PXDNL: variants seen among roughly 807,000 people sequenced by gnomAD.
PXDNL encodes the protein peroxidasin like, also known as probable oxidoreductase PXDNL.
Under a neutral mutation model 150.8 loss-of-function variants are expected in PXDNL, and 145 were observed. That is an observed-to-expected ratio of 0.96 (90% CI 0.84 to 1.10). PXDNL has a LOEUF of 1.10. PXDNL is among the 50% of genes least tolerant of loss of function. PXDNL has a pLI of 0.00. For missense variants in PXDNL, 2,087 were observed against 1,873.9 expected (o/e 1.11, Z -2.10); for synonymous variants, 757 against 725.7 (o/e 1.04, Z -0.69).
intron 4 of PXDNL, among the ~76,000 whole-genome samples, chr8:51,517,453 T>G (rs1329378043): frequency 2.0e-5 from 3 of 152,162 alleles, no homozygotes; most frequent in African/African-American, 7.2e-5. Flanking sequence ...ATGCTCAGGG[T>G]GCTAAAATAG....
At chr8:51,803,179 G>T (rs722495) in intron 1 of PXDNL, among the ~76,000 whole-genome samples, 77,093 of 152,014 alleles carry the variant, frequency 0.51, 23,657 homozygotes, top group Non-Finnish European at 0.68. Flanking sequence ...CATCTGTCCT[G>T]CTGGGTTCCC....
intron 3 of PXDNL, among the ~76,000 whole-genome samples, chr8:51,580,041 A>C (rs1813171196): frequency 6.6e-6 from 1 of 150,814 alleles, no homozygotes; most frequent in Non-Finnish European, 1.5e-5. Flanking sequence ...AATAAATAAA[A>C]AGAAAAAAGG....
chr8:51,435,822 A>G, intron 12 of PXDNL: 1 of 434,836 alleles, frequency 2.3e-6, no homozygotes, highest in South Asian at 1.9e-5. Context: ...AATAAATTTC[A>G]GAACAAGACA....
At chr8:51,410,902 G>C (rs1808617658) in intron 16 of PXDNL, among the ~76,000 whole-genome samples, 1 of 152,208 alleles carries the variant, frequency 6.6e-6, no homozygotes, top group African/African-American at 2.4e-5. Context: ...TCAGGTGATT[G>C]AAAGGATAAG....
In PXDNL at chr8:51,450,906, T is replaced by C. The variant is rs1809793696; in HGVS notation, c.1250-1788A>G. Among the ~76,000 whole-genome samples the C allele has an allele frequency of 2.6e-5, 4 of 152,136 alleles. No homozygotes were observed. The South Asian group carries it at 8.3e-4, about 32-fold the overall frequency. ...GGCCGCTCAACCCCCAGCCTGATGT[T>C]CTTTCCAGAACATTACACTAACTCC... On this transcript the variant is annotated intron_variant, in intron 10 of 22. Coordinates refer to ENST00000356297, the MANE Select transcript of PXDNL (RefSeq NM_144651.5).
chr8:51,600,923 A>T (rs987863438), intron 2 of PXDNL, among the ~76,000 whole-genome samples: 1 of 137,502 alleles, frequency 7.3e-6, no homozygotes, highest in African/African-American at 2.9e-5. Flanking sequence ...TCTTATATAA[A>T]TTATATAATT....
chr8:51,679,518 C>T (rs1466326815), intron 1 of PXDNL, among the ~76,000 whole-genome samples: 1 of 152,206 alleles, frequency 6.6e-6, no homozygotes, highest in African/African-American at 2.4e-5. Context: ...AGATTGCTGA[C>T]ATTAAGCGAC....
At chr8:51,542,494 A>AT (rs1473789887) in intron 4 of PXDNL, among the ~76,000 whole-genome samples, 1 of 115,642 alleles carries the variant, frequency 8.6e-6, no homozygotes, top group African/African-American at 4.2e-5. Context: ...TAATGCCCTT[A>AT]TAAAAAAAAA....
chr8:51,398,488 C>G (rs1472498659), intron 17 of PXDNL, among the ~76,000 whole-genome samples: 1 of 152,124 alleles, frequency 6.6e-6, no homozygotes, highest in African/African-American at 2.4e-5. Flanking sequence ...TCAGTAATAC[C>G]CAGAGAGCAG....
intron 1 of PXDNL, among the ~76,000 whole-genome samples, chr8:51,754,476 G>C (rs1375505590): frequency 6.6e-6 from 1 of 151,678 alleles, no homozygotes; most frequent in African/African-American, 2.4e-5. Context: ...CTGAGAATGA[G>C]CTAGTTCATC....
intron 1 of PXDNL, among the ~76,000 whole-genome samples, chr8:51,767,895 T>C (rs147490214): frequency 2.6e-3 from 401 of 152,272 alleles, no homozygotes; most frequent in Non-Finnish European, 3.4e-3. Context: ...TAATTATGAG[T>C]CAAGTCAAGT....
chr8:51,732,029 G>C (rs1426741773), intron 1 of PXDNL, among the ~76,000 whole-genome samples: 1 of 152,206 alleles, frequency 6.6e-6, no homozygotes, highest in Non-Finnish European at 1.5e-5. Flanking sequence ...AATTTCTGCA[G>C]CCAGCTTGAA....
At chr8:51,804,193 G>T (rs2037651506) in intron 1 of PXDNL, among the ~76,000 whole-genome samples, 1 of 152,202 alleles carries the variant, frequency 6.6e-6, no homozygotes, top group Non-Finnish European at 1.5e-5. Context: ...AACTTGAAGT[G>T]GGGAGGGGGC....
At chr8:51,341,775 A>G (rs1401670173) in intron 20 of PXDNL, among the ~76,000 whole-genome samples, 2 of 152,232 alleles carry the variant, frequency 1.3e-5, no homozygotes, top group African/African-American at 4.8e-5. Context: ...ACAATGACAT[A>G]GCACCTCACA....
At chr8:51,716,495 A>G (rs1816619341) in intron 1 of PXDNL, among the ~76,000 whole-genome samples, 1 of 152,222 alleles carries the variant, frequency 6.6e-6, no homozygotes, top group Non-Finnish European at 1.5e-5. Flanking sequence ...TTTGTAAACT[A>G]CTGCACTCTT....
intron 1 of PXDNL, among the ~76,000 whole-genome samples, chr8:51,668,234 G>C (rs959623463): frequency 2.2e-5 from 3 of 133,346 alleles, no homozygotes; most frequent in African/African-American, 9.3e-5. Flanking sequence ...GCATGCAGTG[G>C]CGCTATCTCA....
At chr8:51,661,063 T>C (rs1383583058) in intron 1 of PXDNL, among the ~76,000 whole-genome samples, 3 of 152,218 alleles carry the variant, frequency 2.0e-5, no homozygotes, top group Non-Finnish European at 4.4e-5. Flanking sequence ...CCTCTCCCTG[T>C]TGCTCTAAAA....
chr8:51,749,848 G>A (rs952589041), intron 1 of PXDNL, among the ~76,000 whole-genome samples: 11 of 151,914 alleles, frequency 7.2e-5, no homozygotes, highest in East Asian at 3.9e-4. Context: ...TTACAGGCAC[G>A]TACCACCATG....
At chr8:51,422,468 T>A (rs1808980691) in intron 14 of PXDNL, among the ~76,000 whole-genome samples, 1 of 152,150 alleles carries the variant, frequency 6.6e-6, no homozygotes, top group Admixed American at 6.5e-5. Flanking sequence ...GATAGGAAAA[T>A]GGCAAATCTT....
Sources: gnomAD v4.1 joint callset for allele counts (sites outside exome capture counted in the v4.1 genomes callset) on GRCh38, gnomAD v4.1.1 for gene constraint, MANE v1.5 for transcripts, NCBI Gene and HGNC (gene_info 2026-07-23, HGNC 2026-07-21) for gene names.